DLC1: variants seen among roughly 807,000 people sequenced by gnomAD.
The protein encoded by DLC1 is DLC1 Rho GTPase activating protein, also known as rho GTPase-activating protein 7.
DLC1 carries 54 observed loss-of-function variants against 140.3 expected under a neutral mutation model. The observed-to-expected ratio is 0.38, with a 90% CI of 0.31 to 0.48. DLC1 has a LOEUF of 0.48. Ranked by LOEUF, DLC1 falls within the 20% of genes least tolerant of loss-of-function variation. DLC1 has a pLI of 0.96. For missense variants in DLC1, 2,536 were observed against 1,907.0 expected (o/e 1.33, Z -6.14); for synonymous variants, 986 against 728.1 (o/e 1.35, Z -5.70).
chr8:13,519,801 T>C (rs1585237343), upstream of DLC1, among the ~76,000 whole-genome samples: 1 of 152,068 alleles, frequency 6.6e-6, no homozygotes, highest in South Asian at 2.1e-4. Context: ...CCCCATCAAA[T>C]AATGGGCAAA....
chr8:13,408,558 A>T (rs559246962), intron 2 of DLC1, among the ~76,000 whole-genome samples: 21 of 152,202 alleles, frequency 1.4e-4, no homozygotes, highest in Non-Finnish European at 2.1e-4. Flanking sequence ...AGTGTTCAGA[A>T]GTGCAGGTGT....
At chr8:13,217,160 C>A (rs1452026799) in intron 5 of DLC1, among the ~76,000 whole-genome samples, 1 of 152,156 alleles carries the variant, frequency 6.6e-6, no homozygotes, top group Admixed American at 6.5e-5. Flanking sequence ...TGGATATAAA[C>A]ATCAGTTCTC....
intron 15 of DLC1, among the ~76,000 whole-genome samples, chr8:13,089,088 G>C (rs1023042996): frequency 4.0e-5 from 6 of 151,828 alleles, no homozygotes; most frequent in African/African-American, 1.5e-4. Context: ...GTGAAACCCT[G>C]TCTCTACTAA....
At chr8:13,567,092 C>T (rs573686073) in intron 1 of DLC1, 1 of 1,551,654 alleles carries the variant, frequency 6.4e-7, no homozygotes, top group African/African-American at 1.4e-5. Flanking sequence ...GAGGTACAGA[C>T]TTCCAGCTCA....
intron 5 of DLC1, among the ~76,000 whole-genome samples, chr8:13,177,557 A>C (rs919290854): frequency 6.6e-6 from 1 of 152,208 alleles, no homozygotes; most frequent in African/African-American, 2.4e-5. Context: ...CACTTGGGTT[A>C]AGTGGTTTAT....
intron 4 of DLC1, among the ~76,000 whole-genome samples, chr8:13,376,609 A>G (rs73205736): frequency 0.066 from 9,987 of 152,296 alleles, 402 homozygotes; most frequent in South Asian, 0.13. Flanking sequence ...TGGGTAGCTC[A>G]GGAAGAGTGA....
At chr8:13,438,552 G>T (rs543005184) in intron 2 of DLC1, among the ~76,000 whole-genome samples, 1 of 152,018 alleles carries the variant, frequency 6.6e-6, no homozygotes, top group Non-Finnish European at 1.5e-5. Flanking sequence ...AAGTTGTTGC[G>T]ATCTGGCCGT....
chr8:13,218,455 AAG>A (rs1828318302), intron 5 of DLC1, among the ~76,000 whole-genome samples: 1 of 152,094 alleles, frequency 6.6e-6, no homozygotes, highest in Non-Finnish European at 1.5e-5. Context: ...CCCAAATAAT[AAG>A]AGAAAAAATT....
chr8:13,251,562 T>A (rs907917118), intron 5 of DLC1, among the ~76,000 whole-genome samples: 3 of 152,146 alleles, frequency 2.0e-5, no homozygotes, highest in Admixed American at 6.5e-5. Flanking sequence ...TGAGGCAAGG[T>A]CCTTGGATAC....
intron 4 of DLC1, among the ~76,000 whole-genome samples, chr8:13,309,231 T>C (rs545117105): frequency 6.6e-6 from 1 of 152,278 alleles, no homozygotes; most frequent in Non-Finnish European, 1.5e-5. Context: ...TCGCTGTAAC[T>C]TATATATTTT....
intron 5 of DLC1, among the ~76,000 whole-genome samples, chr8:13,190,683 C>G (rs1228937289): frequency 6.6e-6 from 1 of 152,076 alleles, no homozygotes; most frequent in African/African-American, 2.4e-5. Context: ...AGATCAGAAG[C>G]TGTGGGCTGT....
chr8:13,561,944 T>C lies in DLC1; in HGVS notation c.-126+42593A>G, dbSNP rs151131469. Among the ~76,000 whole-genome samples the C allele has an allele frequency of 9.5e-3, 1,453 of 152,190 alleles. 11 individuals carry two copies. Among genetic ancestry groups the C allele is most frequent in the Non-Finnish European group, 0.015 (1,023 of 68,012 alleles). On this transcript the variant is annotated intron_variant, in intron 1 of 1. Transcript: ENST00000631382. ...GAAAGCAAGAGGCTATCTTAACTTA[T>C]AGATAATATGATTATATATTTGGAA...
At chr8:13,574,001 A>T (rs144318829) in intron 1 of DLC1, among the ~76,000 whole-genome samples, 1 of 152,142 alleles carries the variant, frequency 6.6e-6, no homozygotes, top group Admixed American at 6.5e-5. Flanking sequence ...GCTCAATGAA[A>T]CTTTCATGGA....
In DLC1 at chr8:13,312,496, C is replaced by T. The variant is rs183157075; in HGVS notation, c.1315-7194G>A. Reference sequence around the variant, plus strand: ...TTTTTAATGATAATATTCTGTATCTCTAAGAAATTTACAATTGATGACTTA... The same window carrying T: ...TTTTTAATGATAATATTCTGTATCTTTAAGAAATTTACAATTGATGACTTA... On this transcript the variant is annotated intron_variant, in intron 4 of 17. Transcript: ENST00000276297. Among the ~76,000 whole-genome samples the T allele has an allele frequency of 6.2e-3, 925 of 150,348 alleles. 8 individuals are homozygous for T. Among genetic ancestry groups the T allele is most frequent in the Non-Finnish European group, 0.011 (742 of 67,792 alleles).
At chr8:13,121,513 G>A (rs1340809716) in intron 5 of DLC1, among the ~76,000 whole-genome samples, 1 of 152,094 alleles carries the variant, frequency 6.6e-6, no homozygotes, top group East Asian at 1.9e-4. Flanking sequence ...GTGACTCCCA[G>A]CCCTGGATGT....
chr8:13,255,399 A>C (rs1830178638), intron 5 of DLC1, among the ~76,000 whole-genome samples: 2 of 152,334 alleles, frequency 1.3e-5, no homozygotes, highest in South Asian at 4.1e-4. Flanking sequence ...ATATAAAAGG[A>C]ACTCCATAAA....
At chr8:13,118,732 A>T (rs1007219602) in intron 5 of DLC1, among the ~76,000 whole-genome samples, 1 of 152,146 alleles carries the variant, frequency 6.6e-6, no homozygotes, top group African/African-American at 2.4e-5. Context: ...AAATGAACCT[A>T]TATCTACATG....
chr8:13,566,094 C>T (rs1804417472), intron 1 of DLC1, among the ~76,000 whole-genome samples: 1 of 151,854 alleles, frequency 6.6e-6, no homozygotes, highest in Non-Finnish European at 1.5e-5. Context: ...GTCGGCAACA[C>T]CGACATGATT....
intron 1 of DLC1, among the ~76,000 whole-genome samples, chr8:13,549,096 G>A (rs1164058520): frequency 1.3e-5 from 2 of 152,004 alleles, no homozygotes; most frequent in East Asian, 3.9e-4. Flanking sequence ...TCCACCTACA[G>A]ATGACTTATT....
Sources: allele counts gnomAD v4.1 joint callset (sites outside exome capture counted in the v4.1 genomes callset), GRCh38; gene constraint gnomAD v4.1.1; transcripts MANE v1.5; gene names NCBI Gene and HGNC (gene_info 2026-07-23, HGNC 2026-07-21).